PBX1: variants seen among roughly 807,000 people sequenced by gnomAD.
PBX1 encodes PBX homeobox 1, also known as pre-B-cell leukemia transcription factor 1.
Under a neutral mutation model 53.4 loss-of-function variants are expected in PBX1, and 6 were observed. The observed-to-expected ratio is 0.11, with a 90% CI of 0.06 to 0.22. The LOEUF (loss-of-function observed/expected upper bound fraction) is 0.22, where lower values mean the gene tolerates loss of function less well. Among genes scored for constraint, PBX1 ranks in the 10% least tolerant of loss-of-function variants. The pLI is 1.00. For synonymous variants in PBX1, 204 were observed against 212.3 expected (o/e 0.96, Z 0.34); for missense variants, 251 against 551.4 (o/e 0.46, Z 5.46).
In PBX1 at chr1:164,737,268, A is replaced by G. The variant is rs532421215; in HGVS notation, c.266-55226A>G. 5.3e-5 allele frequency among the ~76,000 whole-genome samples: 8 copies of G among 152,324 alleles called. 1 individual carries two copies. In the South Asian group the frequency reaches 8.3e-4, roughly 16 times the overall value. The stretch of plus-strand genomic sequence containing the variant: ...CACACATCACGTTAGTAGTGTCTAG[A>G]GATGTACTGGATAAGTCGTCTAAAT... On this transcript the variant is annotated intron_variant, in intron 2 of 8. Transcript: ENST00000420696.
intron 2 of PBX1, among the ~76,000 whole-genome samples, chr1:164,723,036 A>G (rs1331358461): frequency 6.6e-6 from 1 of 152,192 alleles, no homozygotes; most frequent in African/African-American, 2.4e-5. Context: ...CAGCATGGAA[A>G]GGAGCTTTAG....
Position 164,823,696 on chromosome 1 carries a change from T to G in PBX1, c.1200+2070T>G, listed in dbSNP as rs146265807. ...ATTTCTGAAATAGTGTAACCAAACATGTGCAGACAATTATGTCTGATGACA... is the reference window on the plus strand; with the variant it reads ...ATTTCTGAAATAGTGTAACCAAACAGGTGCAGACAATTATGTCTGATGACA... On this transcript the variant is annotated intron_variant, in intron 8 of 8. Transcript: ENST00000420696. Among the ~76,000 whole-genome samples, 5 of 151,968 alleles carry G rather than the reference T, an allele frequency of 3.3e-5. No homozygotes were observed. In the East Asian group the frequency reaches 9.7e-4, roughly 30 times the overall value.
chr1:164,853,841 G>A (rs186407540), downstream of PBX1, among the ~76,000 whole-genome samples: 11 of 152,072 alleles, frequency 7.2e-5, no homozygotes, highest in Admixed American at 3.9e-4. Flanking sequence ...AATCTCATAC[G>A]CTCACCCCTT....
At chr1:164,725,339 G>A (rs952038594) in intron 2 of PBX1, among the ~76,000 whole-genome samples, 2 of 152,092 alleles carry the variant, frequency 1.3e-5, no homozygotes, top group Admixed American at 6.6e-5. Flanking sequence ...CTCACATAGC[G>A]GCTTGATCTG....
intron 8 of PBX1, among the ~76,000 whole-genome samples, chr1:164,832,080 C>T (rs1212853883): frequency 6.6e-6 from 1 of 152,062 alleles, no homozygotes; most frequent in African/African-American, 2.4e-5. Flanking sequence ...GTGTGATTAC[C>T]TCACTATTAC....
chr1:164,871,312 G>T (rs77952382), intron 2 of PBX1, among the ~76,000 whole-genome samples: 3,468 of 152,290 alleles, frequency 0.023, 148 homozygotes, highest in African/African-American at 0.079. Context: ...CTCTGAGGGA[G>T]GTAGGGAGAG....
intron 2 of PBX1, among the ~76,000 whole-genome samples, chr1:164,608,929 A>G (rs947057521): frequency 3.0e-4 from 46 of 152,190 alleles, no homozygotes; most frequent in African/African-American, 1.0e-3. Flanking sequence ...TAAGTATAAG[A>G]ATTCCAGGAA....
At chr1:164,733,520 A>C (rs1001510035) in intron 2 of PBX1, among the ~76,000 whole-genome samples, 1 of 152,210 alleles carries the variant, frequency 6.6e-6, no homozygotes, top group Non-Finnish European at 1.5e-5. Flanking sequence ...GTTTCAAAGG[A>C]GGCCCAAAGG....
chr1:164,736,093 A>G (rs1665254019), intron 2 of PBX1, among the ~76,000 whole-genome samples: 1 of 152,158 alleles, frequency 6.6e-6, no homozygotes, highest in African/African-American at 2.4e-5. Flanking sequence ...GTTGCACTTG[A>G]CTAGACAAAG....
intron 2 of PBX1, among the ~76,000 whole-genome samples, chr1:164,738,636 C>A (rs530812750): frequency 9.2e-5 from 14 of 152,300 alleles, no homozygotes; most frequent in Non-Finnish European, 1.3e-4. Context: ...ATGCCTCTAA[C>A]CCCTTCTGGA....
chr1:164,704,165 G>C (rs1324215042), intron 2 of PBX1, among the ~76,000 whole-genome samples: 2 of 152,164 alleles, frequency 1.3e-5, no homozygotes, highest in African/African-American at 4.8e-5. Flanking sequence ...CAGTACAAAG[G>C]TGTCATATAC....
At chr1:164,792,333 C>T (rs1251389482) in intron 2 of PBX1, among the ~76,000 whole-genome samples, 161 bp from the exon 3 acceptor site, 2 of 152,164 alleles carry the variant, frequency 1.3e-5, no homozygotes, top group African/African-American at 2.4e-5. Context: ...CATTTTCTCA[C>T]CCTCTCAGTT....
intron 2 of PBX1, chr1:164,576,809 A>T (rs1185826306): frequency 6.6e-6 from 1 of 152,226 alleles, no homozygotes; most frequent in Non-Finnish European, 1.5e-5. Context: ...TCACATTCAG[A>T]GCCTCTGAGG....
chr1:164,864,576 A>C (rs1672173098), intron 2 of PBX1, among the ~76,000 whole-genome samples: 1 of 152,174 alleles, frequency 6.6e-6, no homozygotes, highest in Non-Finnish European at 1.5e-5. Flanking sequence ...GATACCTATA[A>C]ACTTCAGGGA....
Position 164,846,827 on chromosome 1 carries a change from A to ATG in PBX1, c.*152_*153dup. Reference sequence around the variant, plus strand: ...GTCTCCTTCTCTTCTCTTCTTTGGGATGCTATTTCAGCCAATCTGGACACT... The same window carrying ATG: ...GTCTCCTTCTCTTCTCTTCTTTGGGATGTGCTATTTCAGCCAATCTGGACACT... On this transcript the variant is annotated 3_prime_UTR_variant, in exon 9 of 9. Coordinates refer to ENST00000420696, the MANE Select transcript of PBX1 (RefSeq NM_002585.4). 6.8e-7 allele frequency: 1 copy of ATG among 1,480,604 alleles called. No homozygotes were observed. The highest frequency in any genetic ancestry group is 1.4e-5 in the African/African-American group (1 of 71,530). 91.7% of individuals were successfully genotyped at this position (1,480,604 alleles called of 1,614,324 possible).
At chr1:164,605,440 G>T (rs975126880) in intron 2 of PBX1, 1 of 152,100 alleles carries the variant, frequency 6.6e-6, no homozygotes, top group African/African-American at 2.4e-5. Flanking sequence ...CCTCTGTAGG[G>T]CTCCTGTAGA....
At chr1:164,672,579 A>C (rs904644680) in intron 2 of PBX1, among the ~76,000 whole-genome samples, 2 of 152,170 alleles carry the variant, frequency 1.3e-5, no homozygotes, top group African/African-American at 2.4e-5. Flanking sequence ...AATTTCCATA[A>C]GATTTTTTCC....
intron 2 of PBX1, among the ~76,000 whole-genome samples, chr1:164,704,407 A>G (rs1451194344): frequency 1.3e-5 from 2 of 152,256 alleles, no homozygotes; most frequent in East Asian, 3.8e-4. Flanking sequence ...AGTTTATTGA[A>G]CAAGACTTTT....
intron 2 of PBX1, among the ~76,000 whole-genome samples, chr1:164,722,803 A>AG (rs34564149): frequency 0.16 from 23,709 of 152,234 alleles, 2,359 homozygotes; most frequent in South Asian, 0.29. Flanking sequence ...AGGGTGCAGA[A>AG]GCACTGCTCA....
Sources: allele counts gnomAD v4.1 joint callset (sites outside exome capture counted in the v4.1 genomes callset), GRCh38; gene constraint gnomAD v4.1.1; transcripts MANE v1.5; gene names NCBI Gene and HGNC (gene_info 2026-07-23, HGNC 2026-07-21).